EPM2A: variants seen among roughly 807,000 people sequenced by gnomAD.
The protein encoded by EPM2A is EPM2A glucan phosphatase, laforin.
EPM2A carries 21 observed loss-of-function variants against 26.5 expected under a neutral mutation model. The observed-to-expected ratio is 0.79, with a 90% CI of 0.56 to 1.14. The LOEUF is 1.14. Ranked by LOEUF, EPM2A falls within the 50% of genes most tolerant of loss-of-function variation. EPM2A has a pLI of 0.00. For synonymous variants in EPM2A, 217 were observed against 177.6 expected, an observed-to-expected ratio of 1.22 and a Z score of -1.76; for missense variants, 458 against 440.8, an observed-to-expected ratio of 1.04 and a Z score of -0.35.
At chr6:145,726,125 G>A (rs1157905710) in intron 1 of EPM2A, among the ~76,000 whole-genome samples, 1 of 151,940 alleles carries the variant, frequency 6.6e-6, no homozygotes, top group Non-Finnish European at 1.5e-5. Flanking sequence ...TGTAGTGCCA[G>A]AAAGTAAGGA....
At chr6:145,609,639 C>T (rs1245950262) in intron 2 of EPM2A, among the ~76,000 whole-genome samples, 1 of 152,178 alleles carries the variant, frequency 6.6e-6, no homozygotes, top group African/African-American at 2.4e-5. Flanking sequence ...TTTCTACACA[C>T]GTAATGTGAA....
At chr6:145,647,736 G>A (rs1777590870) in intron 2 of EPM2A, among the ~76,000 whole-genome samples, 1 of 152,074 alleles carries the variant, frequency 6.6e-6, no homozygotes, top group Non-Finnish European at 1.5e-5. Context: ...AGTGAAAGGG[G>A]AAGAGGAAGG....
rs1004425455 is a variant in EPM2A at position 145,637,862 on chromosome 6, A to G, written c.477-2376T>C. ...CTAGATGTCCCATCCCTCTTTCCAG[A>G]TCTTTCAAAGATCCCTTACCCAGGG... On this transcript the variant is annotated intron_variant, in intron 2 of 3. Coordinates refer to ENST00000367519, the MANE Select transcript of EPM2A (RefSeq NM_005670.4). The G allele has an allele frequency of 6.6e-5, 10 of 152,248 alleles. No individual in the cohort carries two copies. The East Asian group carries it at 1.5e-3, about 24-fold the overall frequency. The allele number at this position is 152,248 out of a possible 1,614,324, so 9.4% of individuals were successfully genotyped here.
intron 2 of EPM2A, among the ~76,000 whole-genome samples, chr6:145,553,813 A>T (rs1412221496): frequency 6.8e-6 from 1 of 147,748 alleles, no homozygotes; most frequent in African/African-American, 2.5e-5. Flanking sequence ...ATATTATTAT[A>T]TTTAGTATAT....
chr6:145,580,982 C>T (rs910382951), intron 2 of EPM2A, among the ~76,000 whole-genome samples: 3 of 152,084 alleles, frequency 2.0e-5, no homozygotes, highest in African/African-American at 7.2e-5. Context: ...TGAACATAGG[C>T]ATGCATATGT....
intron 4 of EPM2A, chr6:145,490,922 C>T (rs1779746705): frequency 2.7e-6 from 2 of 750,904 alleles, no homozygotes; most frequent in African/African-American, 3.5e-5. Context: ...ATTAGAGGAA[C>T]TTGTGTTCTG....
chr6:145,527,679 G>T (rs1217397658), intron 2 of EPM2A, among the ~76,000 whole-genome samples: 2 of 151,946 alleles, frequency 1.3e-5, no homozygotes, highest in African/African-American at 4.8e-5. Flanking sequence ...CTTATAACAT[G>T]GGTCTCTTAA....
At chr6:145,705,362 GAT>G (rs1782162467) in intron 1 of EPM2A, among the ~76,000 whole-genome samples, 2 of 152,080 alleles carry the variant, frequency 1.3e-5, no homozygotes, top group African/African-American at 4.8e-5. Context: ...TATATATAGA[GAT>G]AGATAGATAT....
intron 4 of EPM2A, among the ~76,000 whole-genome samples, chr6:145,429,321 C>T (rs1439686227): frequency 6.6e-6 from 1 of 152,006 alleles, no homozygotes; most frequent in Non-Finnish European, 1.5e-5. Context: ...TCAATTAATT[C>T]ATTTATTTGC....
intron 4 of EPM2A, among the ~76,000 whole-genome samples, chr6:145,393,432 C>A (rs920748102): frequency 5.4e-5 from 8 of 147,094 alleles, no homozygotes; most frequent in Non-Finnish European, 9.0e-5. Context: ...AAATGTGGCT[C>A]AAAAAAAAAA....
At chr6:145,488,522 T>TGAGAGAGAGAGAGA (rs200590979) in intron 4 of EPM2A, among the ~76,000 whole-genome samples, 63 of 139,994 alleles carry the variant, frequency 4.5e-4, no homozygotes, top group Admixed American at 2.3e-3. Context: ...TGTGTGTGTG[T>TGAGAGAGAGAGAGA]GAGAGAGAGA....
At chr6:145,442,551 TG>T (rs1374005664) in intron 4 of EPM2A, among the ~76,000 whole-genome samples, 2 of 151,244 alleles carry the variant, frequency 1.3e-5, no homozygotes, top group Non-Finnish European at 2.9e-5. Flanking sequence ...GAGAACAGTA[TG>T]GGGGAAACTG....
chr6:145,735,736 CCCCGCGGGCGGTTGATTT>C, upstream of EPM2A: 1 of 752,686 alleles, frequency 1.3e-6, no homozygotes, highest in Non-Finnish European at 1.7e-6. Flanking sequence ...TGCCCCGCAA[CCCCGCGGGCGGTTGATTT>C]CCACCTGTGG....
At chr6:145,567,564 T>G (rs1780900604) in intron 2 of EPM2A, among the ~76,000 whole-genome samples, 1 of 152,200 alleles carries the variant, frequency 6.6e-6, no homozygotes, top group Admixed American at 6.5e-5. Flanking sequence ...CATGTGCTCC[T>G]AGCCGGTTGG....
At chr6:145,561,825 A>G (rs1225072468) in intron 2 of EPM2A, among the ~76,000 whole-genome samples, 1 of 152,092 alleles carries the variant, frequency 6.6e-6, no homozygotes, top group Non-Finnish European at 1.5e-5. Context: ...TGCAAATTCT[A>G]AGATCTGAAA....
chr6:145,443,031 T>TTG (rs371782797), intron 4 of EPM2A, among the ~76,000 whole-genome samples: 6,640 of 151,460 alleles, frequency 0.044, 459 homozygotes, highest in African/African-American at 0.15. Context: ...CGGCTAATTT[T>TTG]TGTGTGTGTG....
At chr6:145,505,500 TAGTC>T (rs1415417403) in intron 2 of EPM2A, among the ~76,000 whole-genome samples, 1 of 152,178 alleles carries the variant, frequency 6.6e-6, no homozygotes, top group Non-Finnish European at 1.5e-5. Flanking sequence ...ACCACCTACA[TAGTC>T]AGTATATTTT....
intron 2 of EPM2A, among the ~76,000 whole-genome samples, chr6:145,672,926 T>G (rs1369184561): frequency 6.6e-6 from 1 of 152,176 alleles, no homozygotes; most frequent in East Asian, 1.9e-4. Flanking sequence ...GATCATGTAG[T>G]CACACACCCA....
At chr6:145,621,810 C>T (rs925813904), downstream of EPM2A, among the ~76,000 whole-genome samples, 2 of 151,994 alleles carry the variant, frequency 1.3e-5, no homozygotes, top group African/African-American at 2.4e-5. Context: ...TTGCTTGTGA[C>T]GTGTTTGGGT....
Sources: gnomAD v4.1 joint callset for allele counts (sites outside exome capture counted in the v4.1 genomes callset) on GRCh38, gnomAD v4.1.1 for gene constraint, MANE v1.5 for transcripts, NCBI Gene and HGNC (gene_info 2026-07-23, HGNC 2026-07-21) for gene names.